The following KIF26A variants were observed in gnomAD, a reference collection of about 807,000 sequenced individuals.
KIF26A encodes the protein kinesin family member 26A, also known as kinesin-like protein KIF26A.
Under a neutral mutation model 126.0 loss-of-function variants are expected in KIF26A, and 74 were observed. That is an observed-to-expected ratio of 0.59 (90% CI 0.49 to 0.71). The LOEUF (loss-of-function observed/expected upper bound fraction) is 0.71. Ranked by LOEUF, KIF26A falls within the 30% of genes least tolerant of loss-of-function variation. The pLI is 0.00. For missense variants in KIF26A, 2,984 were observed against 2,763.3 expected, an observed-to-expected ratio of 1.08 and a Z score of -1.79; for synonymous variants, 1,445 against 1,232.7, an observed-to-expected ratio of 1.17 and a Z score of -3.61.
intron 4 of KIF26A, among the ~76,000 whole-genome samples, chr14:104,158,425 C>T (rs1015789478): frequency 7.9e-5 from 12 of 152,310 alleles, no homozygotes; most frequent in Middle Eastern, 3.4e-3. Flanking sequence ...GCTGGGGCCA[C>T]GGAGAGGACA....
chr14:104,141,247 T>C (rs2037634616), intron 2 of KIF26A, among the ~76,000 whole-genome samples: 1 of 152,186 alleles, frequency 6.6e-6, no homozygotes, highest in Non-Finnish European at 1.5e-5. Context: ...TGGTGCACTG[T>C]CCAGTGGGCC....
chr14:104,157,547 G>A (rs1363056413), intron 3 of KIF26A, among the ~76,000 whole-genome samples: 1 of 152,178 alleles, frequency 6.6e-6, no homozygotes. Context: ...TGACCTCACG[G>A]CCCAGGCAGG....
chr14:104,176,652 G>A lies in KIF26A; in HGVS notation c.3864G>A (p.Glu1288=), dbSNP rs1025374069. ...CCCAGAGAGTGGTGGACGGGTGTGA[G>A]GTGGCAGCCAGGGCGGCCCGCAGGC... ...ACAQRVVDGC[E]VAARAARRPE... Residue 1288 remains glutamate (E), a synonymous_variant, in exon 12 of 15, where the codon GAG becomes GAA. Coordinates refer to ENST00000423312, the MANE Select transcript of KIF26A (RefSeq NM_015656.2). The A allele has an allele frequency of 1.9e-6, 3 of 1,602,260 alleles. No homozygotes were observed. Among genetic ancestry groups the A allele is most frequent in the South Asian group, 1.1e-5 (1 of 90,588 alleles).
At chr14:104,172,067 C>A in intron 6 of KIF26A, 132 bp downstream of exon 6, 1 of 842,970 alleles carries the variant, frequency 1.2e-6, no homozygotes, top group Non-Finnish European at 1.8e-6. Context: ...CCGCTGCCTG[C>A]GGCGCCTGCC....
intron 2 of KIF26A, among the ~76,000 whole-genome samples, chr14:104,150,698 G>T (rs1216576437): frequency 6.6e-6 from 1 of 152,202 alleles, no homozygotes. Flanking sequence ...GTGGCCAACA[G>T]GGTGGCTGCA....
intron 4 of KIF26A, 64 bp downstream of exon 4, chr14:104,158,006 C>T: frequency 7.1e-7 from 1 of 1,410,800 alleles, no homozygotes; most frequent in South Asian, 1.5e-5. Context: ...CTGTGGGCCC[C>T]TGGGGACCTA....
intron 2 of KIF26A, among the ~76,000 whole-genome samples, chr14:104,150,806 G>T (rs956868122): frequency 2.0e-5 from 3 of 152,244 alleles, no homozygotes; most frequent in African/African-American, 7.2e-5. Flanking sequence ...GGAAAGTTGG[G>T]GGCTGGTGGA....
chr14:104,165,701 GTCTC>G (rs770273871), intron 4 of KIF26A, among the ~76,000 whole-genome samples: 1 of 144,096 alleles, frequency 6.9e-6, no homozygotes, highest in African/African-American at 2.9e-5. Context: ...GTGTGTCTCT[GTCTC>G]TGTGCATATG....
At chr14:104,158,083 C>A (rs1249656180) in intron 4 of KIF26A, 141 bp downstream of exon 4, 2 of 818,034 alleles carry the variant, frequency 2.4e-6, no homozygotes, top group Non-Finnish European at 3.5e-6. Flanking sequence ...GCTGCTCCGA[C>A]CACAGCTGCT....
chr14:104,163,732 C>T (rs759488373), intron 4 of KIF26A, among the ~76,000 whole-genome samples: 1 of 150,564 alleles, frequency 6.6e-6, no homozygotes, highest in African/African-American at 2.4e-5. Flanking sequence ...GGCCCCGACC[C>T]CTGCTCTGAC....
Position 104,177,445 on chromosome 14 carries a change from G to A in KIF26A, c.4657G>A (p.Val1553Ile), listed in dbSNP as rs776434824. ...CGGGGCGAAGGCTGGCCGGGGTACCGTCATGGGCACAAAGCAGGCGCTCCG... is the reference window on the plus strand; with the variant it reads ...CGGGGCGAAGGCTGGCCGGGGTACCATCATGGGCACAAAGCAGGCGCTCCG... ...SVGAKAGRGT[V>I]MGTKQALRAA... is the part of the protein sequence containing the mutation. Residue 1553 changes from valine to isoleucine, a missense_variant, in exon 12 of 15, where the codon GTC becomes ATC. Transcript: ENST00000423312. The A allele has an allele frequency of 9.8e-6, 15 of 1,525,774 alleles. No individual in the cohort carries two copies. The highest frequency in any genetic ancestry group is 2.5e-5 in the East Asian group (1 of 40,718). The allele number at this position is 1,525,774 out of a possible 1,614,324, so 94.5% of individuals were successfully genotyped here.
In KIF26A at chr14:104,176,481, C is replaced by T. The variant is rs2038029799; in HGVS notation, c.3693C>T (p.Ser1231=). The part of the protein sequence containing the change: ...TRVGCARLGQ[S]PPGRGGLFED... ...TGGGCTGTGCTCGCCTGGGCCAGAGCCCACCTGGCCGTGGAGGCCTGTTTG... is the reference window on the plus strand; with the variant it reads ...TGGGCTGTGCTCGCCTGGGCCAGAGTCCACCTGGCCGTGGAGGCCTGTTTG... Residue 1231 remains serine, a synonymous_variant, in exon 12 of 15, where the codon AGC becomes AGT. Coordinates refer to ENST00000423312, the MANE Select transcript of KIF26A (RefSeq NM_015656.2). 3.1e-6 allele frequency: 5 copies of T among 1,606,476 alleles called. No homozygotes were observed. Among genetic ancestry groups the T allele is most frequent in the Non-Finnish European group, 4.2e-6 (5 of 1,179,550 alleles).
In KIF26A at chr14:104,176,214, C is replaced by G. The variant is rs755797043; in HGVS notation, c.3426C>G (p.Asp1142Glu). 1 of 1,600,886 alleles carries G rather than the reference C, an allele frequency of 6.2e-7. No homozygotes were observed. Among genetic ancestry groups the G allele is most frequent in the Admixed American group, 1.7e-5 (1 of 58,546 alleles). The part of the protein sequence containing the change: ...RFSPDSLAGL[D>E]PGGPPALDGS... ...GCCCCGACTCGCTGGCAGGGCTTGACCCTGGGGGCCCCCCTGCCCTGGATG... is the reference window on the plus strand; with the variant it reads ...GCCCCGACTCGCTGGCAGGGCTTGAGCCTGGGGGCCCCCCTGCCCTGGATG... The change falls in exon 12 of 15, where the codon GAC becomes GAG. Residue 1142 changes from aspartate to glutamate, a missense_variant. Transcript: ENST00000423312.
At position 104,176,087 on chromosome 14, in the gene KIF26A, C is replaced by T; in HGVS notation, c.3299C>T (p.Ala1100Val). The change falls in exon 12 of 15, where the codon GCC becomes GTC. Residue 1100 changes from alanine to valine, a missense_variant. Coordinates refer to ENST00000423312, the MANE Select transcript of KIF26A (RefSeq NM_015656.2). ...APEGGPLEGA[A>V]WAGSSHGSSI... The stretch of plus-strand genomic sequence containing the variant: ...GAGGGGGGGCCCCTGGAGGGGGCAG[C>T]CTGGGCCGGCAGCAGTCACGGCTCC... 6.3e-7 allele frequency: 1 copy of T among 1,589,108 alleles called. No homozygotes were observed.
intron 5 of KIF26A, among the ~76,000 whole-genome samples, chr14:104,171,456 C>G (rs2037955966): frequency 6.6e-6 from 1 of 152,296 alleles, no homozygotes; most frequent in African/African-American, 2.4e-5. Flanking sequence ...GCCCGCCGCC[C>G]CCTCATTCTC....
chr14:104,139,267 C>T lies in KIF26A; in HGVS notation c.267C>T (p.Ser89=). Residue 89 remains serine (S), a synonymous_variant, in exon 2 of 15, where the codon AGC becomes AGT. Transcript: ENST00000423312. ...AGCGACAGGCGTGGAAGCTGGTCAGCGGGCCCGGGACCACCCTCCGGGTAA... is the reference window on the plus strand; with the variant it reads ...AGCGACAGGCGTGGAAGCTGGTCAGTGGGCCCGGGACCACCCTCCGGGTAA... ...ELKRQAWKLV[S]GPGTTLRDPC... 6.5e-7 allele frequency: 1 copy of T among 1,530,164 alleles called. No individual in the cohort carries two copies. The allele number at this position is 1,530,164 out of a possible 1,614,324, so 94.8% of individuals were successfully genotyped here.
At chr14:104,149,137 G>T (rs1200551999) in intron 2 of KIF26A, among the ~76,000 whole-genome samples, 1 of 152,208 alleles carries the variant, frequency 6.6e-6, no homozygotes, top group East Asian at 1.9e-4. Context: ...CCAGTGTCTT[G>T]CTGTGTTGCC....
chr14:104,145,856 A>C (rs997132772), intron 2 of KIF26A, among the ~76,000 whole-genome samples: 3 of 151,562 alleles, frequency 2.0e-5, no homozygotes, highest in Non-Finnish European at 4.4e-5. Flanking sequence ...TCTCGTCCCT[A>C]GGGCCCCCTC....
In KIF26A at chr14:104,178,565, G is replaced by A. The variant is rs764046274; in HGVS notation, c.5126G>A (p.Arg1709His). Residue 1709 changes from arginine (R) to histidine (H), a missense_variant, in exon 13 of 15, where the codon CGC (arginine) becomes CAC (histidine). Transcript: ENST00000423312. ...TCCGTTCCAGGTCTGCAGCGGCGGC[G>A]CCTGATTCCCGCCCCACTGCCCGAC... Reference protein sequence around the residue: ...KKRATGLQRRRLIPAPLPDTT... With the variant: ...KKRATGLQRRHLIPAPLPDTT... 1.6e-5 allele frequency: 23 copies of A among 1,476,896 alleles called. No individual in the cohort carries two copies. The highest frequency in any genetic ancestry group is 2.4e-4 in the Middle Eastern group (1 of 4,086). The allele number at this position is 1,476,896 out of a possible 1,614,324, so 91.5% of individuals were successfully genotyped here. A position where few individuals can be genotyped will look rare whatever the true frequency, so the allele number is the denominator to read the frequency against.
Sources: gnomAD v4.1 joint callset for allele counts (sites outside exome capture counted in the v4.1 genomes callset) on GRCh38, gnomAD v4.1.1 for gene constraint, MANE v1.5 for transcripts, NCBI Gene and HGNC (gene_info 2026-07-23, HGNC 2026-07-21) for gene names.